B3GALT1: variants seen among roughly 807,000 people sequenced by gnomAD.
B3GALT1 encodes the protein beta-1,3-galactosyltransferase 1, also known as UDP-Gal:betaGlcNAc beta 1,3-galactosyltransferase, polypeptide 1.
B3GALT1 carries 10 observed loss-of-function variants against 23.2 expected under a neutral mutation model. The ratio of observed to expected loss-of-function variants is 0.43; its 90% CI spans 0.27 to 0.73. The LOEUF is 0.73. B3GALT1 is among the 30% of genes least tolerant of loss of function. The pLI is 0.21. For missense variants in B3GALT1, 299 were observed against 405.4 expected (o/e 0.74, Z 2.25); for synonymous variants, 156 against 141.5 (o/e 1.10, Z -0.73).
chr2:167,844,499 G>C (rs1282494639), intron 4 of B3GALT1, among the ~76,000 whole-genome samples: 1 of 152,202 alleles, frequency 6.6e-6, no homozygotes, highest in African/African-American at 2.4e-5. Context: ...CTAAAGGTCT[G>C]TTTGCAGGAG....
At chr2:167,404,386 C>A (rs113129943) in intron 1 of B3GALT1, among the ~76,000 whole-genome samples, 1 of 152,188 alleles carries the variant, frequency 6.6e-6, no homozygotes, top group East Asian at 1.9e-4. Flanking sequence ...AACAGAAATA[C>A]ACTGTCAAAG....
intron 3 of B3GALT1, among the ~76,000 whole-genome samples, chr2:167,771,921 A>G (rs1024281940): frequency 1.3e-5 from 2 of 152,188 alleles, no homozygotes; most frequent in Admixed American, 6.5e-5. Flanking sequence ...TACGCTAACC[A>G]ATAATGAAAT....
intron 3 of B3GALT1, among the ~76,000 whole-genome samples, chr2:167,678,146 T>C (rs1396440891): frequency 6.6e-6 from 1 of 152,188 alleles, no homozygotes; most frequent in African/African-American, 2.4e-5. Flanking sequence ...CTCTGGGATG[T>C]TTTCCTTCAT....
intron 4 of B3GALT1, among the ~76,000 whole-genome samples, chr2:167,855,048 A>G (rs961055397): frequency 2.0e-5 from 3 of 152,172 alleles, no homozygotes; most frequent in Non-Finnish European, 2.9e-5. Context: ...TTGTTAAGGA[A>G]GTAGCCCAGT....
intron 1 of B3GALT1, among the ~76,000 whole-genome samples, chr2:167,449,012 G>T (rs1699047486): frequency 6.6e-6 from 1 of 152,136 alleles, no homozygotes; most frequent in African/African-American, 2.4e-5. Context: ...TTATGGTATA[G>T]TTTAAAGTTG....
intron 1 of B3GALT1, among the ~76,000 whole-genome samples, chr2:167,472,542 C>G (rs1331803196): frequency 6.6e-6 from 1 of 152,096 alleles, no homozygotes; most frequent in Admixed American, 6.6e-5. Flanking sequence ...TAATTACTTA[C>G]CATTAAATTT....
At chr2:167,359,229 T>A (rs941248607) in intron 1 of B3GALT1, among the ~76,000 whole-genome samples, 1 of 152,254 alleles carries the variant, frequency 6.6e-6, no homozygotes, top group Non-Finnish European at 1.5e-5. Context: ...TCATTGCCAT[T>A]AGTGTCTTCT....
intron 1 of B3GALT1, among the ~76,000 whole-genome samples, chr2:167,440,641 A>G (rs899985448): frequency 1.1e-4 from 16 of 151,868 alleles, no homozygotes; most frequent in Non-Finnish European, 2.2e-4. Context: ...AGCTATGTCC[A>G]AGTGTTTTTT....
At chr2:167,482,665 C>A (rs1370389447) in intron 1 of B3GALT1, among the ~76,000 whole-genome samples, 4 of 152,048 alleles carry the variant, frequency 2.6e-5, no homozygotes, top group Non-Finnish European at 4.4e-5. Context: ...CACAGTGAAA[C>A]CCTGACTCTA....
chr2:167,677,417 C>T (rs1462857629), intron 3 of B3GALT1, among the ~76,000 whole-genome samples: 3 of 152,222 alleles, frequency 2.0e-5, no homozygotes, highest in African/African-American at 7.2e-5. Context: ...CAGTTTTGCT[C>T]TGGCTAGAAC....
chr2:167,434,954 G>A (rs1698757362), intron 1 of B3GALT1, among the ~76,000 whole-genome samples: 2 of 152,070 alleles, frequency 1.3e-5, no homozygotes, highest in Non-Finnish European at 2.9e-5. Flanking sequence ...ATAGGATTAA[G>A]TTTTAAAATT....
chr2:167,310,704 A>G (rs550078649), intron 1 of B3GALT1, among the ~76,000 whole-genome samples: 1 of 151,950 alleles, frequency 6.6e-6, no homozygotes, highest in Non-Finnish European at 1.5e-5. Flanking sequence ...TTAGTGTTCT[A>G]TTTAAGGGTT....
chr2:167,688,052 C>T (rs776142176), intron 3 of B3GALT1, among the ~76,000 whole-genome samples: 1 of 151,984 alleles, frequency 6.6e-6, no homozygotes, highest in Non-Finnish European at 1.5e-5. Flanking sequence ...AATATAATCA[C>T]ACTATACATA....
chr2:167,604,593 A>G (rs1684931107), intron 2 of B3GALT1, among the ~76,000 whole-genome samples: 1 of 152,224 alleles, frequency 6.6e-6, no homozygotes, highest in Non-Finnish European at 1.5e-5. Context: ...CAGAGAAAGA[A>G]AGGCCCAAAC....
chr2:167,588,993 A>G (rs939797485), intron 2 of B3GALT1, among the ~76,000 whole-genome samples: 1 of 150,882 alleles, frequency 6.6e-6, no homozygotes, highest in African/African-American at 2.4e-5. Context: ...CCCAGGCTGG[A>G]GTGCAGTGGC....
chr2:167,358,753 A>C (rs1697456197), intron 1 of B3GALT1, among the ~76,000 whole-genome samples: 1 of 152,192 alleles, frequency 6.6e-6, no homozygotes, highest in South Asian at 2.1e-4. Flanking sequence ...ATGGGTTGCT[A>C]ATTTCCAGCA....
intron 3 of B3GALT1, chr2:167,714,383 G>C: frequency 6.6e-7 from 1 of 1,513,524 alleles, no homozygotes; most frequent in Non-Finnish European, 9.2e-7. Context: ...AGGATTCCCT[G>C]GGCTGCTTGG....
At chr2:167,358,898 G>A (rs991297848) in intron 1 of B3GALT1, among the ~76,000 whole-genome samples, 3 of 152,122 alleles carry the variant, frequency 2.0e-5, no homozygotes, top group Admixed American at 6.6e-5. Context: ...TGCCTCCTGG[G>A]TTCAAGCGAT....
At chr2:167,820,680 A>C (rs1479024655) in intron 4 of B3GALT1, among the ~76,000 whole-genome samples, 2 of 152,214 alleles carry the variant, frequency 1.3e-5, no homozygotes, top group Admixed American at 1.3e-4. Flanking sequence ...CCACTAAAAT[A>C]TGGAAGCTAT....
Sources: allele counts gnomAD v4.1 joint callset (sites outside exome capture counted in the v4.1 genomes callset), GRCh38; gene constraint gnomAD v4.1.1; transcripts MANE v1.5; gene names NCBI Gene and HGNC (gene_info 2026-07-23, HGNC 2026-07-21).